CHIA: variants seen among roughly 807,000 people sequenced by gnomAD.
The protein encoded by CHIA is chitinase acidic, also known as acidic mammalian chitinase.
Under a neutral mutation model 53.5 loss-of-function variants are expected in CHIA, and 47 were observed. The ratio of observed to expected loss-of-function variants is 0.88; its 90% CI spans 0.70 to 1.12. The LOEUF (loss-of-function observed/expected upper bound fraction) is 1.12. Among genes scored for constraint, CHIA ranks in the 50% most tolerant of loss-of-function variants. The pLI is 0.00. For synonymous variants in CHIA, 268 were observed against 222.2 expected (o/e 1.21, Z -1.83); for missense variants, 652 against 592.2 (o/e 1.10, Z -1.05).
rs111552652 is a variant in CHIA at position 111,295,559 on chromosome 1, G to A, written c.-69+4609G>A. On this transcript the variant is annotated intron_variant, in intron 1 of 11. Transcript: ENST00000369740. The stretch of plus-strand genomic sequence containing the variant: ...AGATGGCCAAAGAGGAACAGCTCCC[G>A]TCTGCAGCTCCCAGTGTGATCAACG... Among the ~76,000 whole-genome samples the A allele has an allele frequency of 4.7e-3, 716 of 152,208 alleles. 6 individuals carry two copies. Among genetic ancestry groups the A allele is most frequent in the African/African-American group, 0.017 (698 of 41,534 alleles).
chr1:111,318,474 T>C lies in CHIA; in HGVS notation c.730-19T>C, dbSNP rs776118901. 1.9e-6 allele frequency: 3 copies of C among 1,606,220 alleles called. No individual in the cohort carries two copies. The South Asian group carries it at 3.3e-5, about 18-fold the overall frequency. On this transcript the variant is annotated intron_variant, in intron 8 of 11. Transcript: ENST00000369740. ...TCCTCAGCTGGTTGGGCCATGTAACTAACCCACTGACATTGCAGGATTATG... is the reference window on the plus strand; with the variant it reads ...TCCTCAGCTGGTTGGGCCATGTAACCAACCCACTGACATTGCAGGATTATG...
Position 111,312,211 on chromosome 1 carries a change from G to C in CHIA, c.77G>C (p.Cys26Ser), listed in dbSNP as rs757700023. The change falls in exon 4 of 12, where the codon TGC becomes TCC. Residue 26 changes from cysteine to serine, a missense_variant. Physicochemically the swap from Cys to Ser is moderately radical, Grantham distance 112. Transcript: ENST00000369740. The stretch of plus-strand genomic sequence containing the variant: ...ACAGGCTCTGCCTACCAGCTGACAT[G>C]CTACTTCACCAACTGGGCCCAGTAC... Reference protein sequence around the residue: ...LQLGSAYQLTCYFTNWAQYRP... With the variant: ...LQLGSAYQLTSYFTNWAQYRP... 6.8e-5 allele frequency: 109 copies of C among 1,613,966 alleles called. No individual in the cohort carries two copies. Among genetic ancestry groups the C allele is most frequent in the Non-Finnish European group, 9.0e-5 (106 of 1,179,978 alleles).
intron 1 of CHIA, among the ~76,000 whole-genome samples, chr1:111,303,042 CTATTT>C (rs1647888340): frequency 6.6e-6 from 1 of 151,946 alleles, no homozygotes; most frequent in Non-Finnish European, 1.5e-5. Flanking sequence ...AATTTATAAT[CTATTT>C]TGTCTGTTAC....
rs368843945 is a variant in CHIA at position 111,318,004 on chromosome 1, T to G, written c.624T>G (p.His208Gln). 5.0e-6 allele frequency: 8 copies of G among 1,614,024 alleles called. No homozygotes were observed. Among genetic ancestry groups the G allele is most frequent in the Non-Finnish European group, 6.8e-6 (8 of 1,180,018 alleles). ...PQLSQYLDYI[H>Q]VMTYDLHGSW... is the part of the protein sequence containing the mutation. ...ACCTCAGGTACCTGGACTACATCCATGTCATGACCTACGACCTCCATGGCT... is the reference window on the plus strand; with the variant it reads ...ACCTCAGGTACCTGGACTACATCCAGGTCATGACCTACGACCTCCATGGCT... Residue 208 changes from histidine to glutamine, a missense_variant, in exon 8 of 12, where the codon CAT (histidine) becomes CAG (glutamine). By Grantham distance (24) the His-to-Gln change is conservative (BLOSUM62 0). Transcript: ENST00000369740.
In CHIA at chr1:111,317,784, A is replaced by G; in HGVS notation, c.584A>G (p.Tyr195Cys). Residue 195 changes from tyrosine (Y) to cysteine (C), a missense_variant, in exon 7 of 12, where the codon TAT becomes TGT. Coordinates refer to ENST00000369740, the MANE Select transcript of CHIA (RefSeq NM_201653.4). ...AAGISNIQSG[Y>C]EIPQLSQYLD... Reference sequence around the variant, plus strand: ...GGCATCTCCAATATCCAGTCTGGCTATGAGATCCCCCAACTGTCACAGTGA... The same window carrying G: ...GGCATCTCCAATATCCAGTCTGGCTGTGAGATCCCCCAACTGTCACAGTGA... 1 of 1,613,590 alleles carries G rather than the reference A, an allele frequency of 6.2e-7. No homozygotes were observed.
chr1:111,300,385 T>G (rs1462397189), intron 1 of CHIA, among the ~76,000 whole-genome samples: 1 of 152,144 alleles, frequency 6.6e-6, no homozygotes, highest in Non-Finnish European at 1.5e-5. Flanking sequence ...AAAACAGATA[T>G]ATAGACCAAT....
intron 1 of CHIA, among the ~76,000 whole-genome samples, chr1:111,299,076 T>C (rs1042826103): frequency 6.6e-6 from 1 of 152,150 alleles, no homozygotes; most frequent in Non-Finnish European, 1.5e-5. Flanking sequence ...TAACAGGCTC[T>C]GAAGTTGAGG....
intron 1 of CHIA, among the ~76,000 whole-genome samples, chr1:111,297,675 C>G (rs1647285360): frequency 6.6e-6 from 1 of 151,972 alleles, no homozygotes; most frequent in Admixed American, 6.6e-5. Context: ...AATTAACGGA[C>G]AAAATAACCA....
chr1:111,293,037 T>C (rs1266746583), intron 1 of CHIA, among the ~76,000 whole-genome samples: 1 of 135,174 alleles, frequency 7.4e-6, no homozygotes, highest in Non-Finnish European at 1.6e-5. Context: ...GTAATGTTAC[T>C]GTGAACATGG....
At chr1:111,313,771 AG>A (rs1648902273) in intron 4 of CHIA, among the ~76,000 whole-genome samples, 1 of 152,060 alleles carries the variant, frequency 6.6e-6, no homozygotes, top group African/African-American at 2.4e-5. Flanking sequence ...TTACAATTTG[AG>A]GTCATAAATT....
chr1:111,291,835 G>T (rs957833032), intron 1 of CHIA, among the ~76,000 whole-genome samples: 1 of 150,570 alleles, frequency 6.6e-6, no homozygotes, highest in Non-Finnish European at 1.5e-5. Context: ...CCTGTCGGGG[G>T]GGGGTGGGGG....
intron 4 of CHIA, 43 bp downstream of exon 4, chr1:111,312,434 T>A: frequency 6.9e-7 from 1 of 1,457,768 alleles, no homozygotes; most frequent in Non-Finnish European, 9.6e-7. Flanking sequence ...CCTTTTTCAG[T>A]ACTTCCCAAA....
At chr1:111,316,036 G>A (rs2101647880) in intron 6 of CHIA, 2 of 313,788 alleles carry the variant, frequency 6.4e-6, no homozygotes, top group South Asian at 2.7e-5. Flanking sequence ...AAAGTAACAA[G>A]GAAAGAGGGT....
At position 111,318,467 on chromosome 1, in the gene CHIA, A is replaced by C. The variant is rs116682996; in HGVS notation, c.730-26A>C. 2,146 of 1,600,486 alleles carry C rather than the reference A, an allele frequency of 1.3e-3. 24 individuals are homozygous for C. The African/African-American group carries it at 0.022, about 17-fold the overall frequency. ...TACTGGGTCCTCAGCTGGTTGGGCCATGTAACTAACCCACTGACATTGCAG... is the reference window on the plus strand; with the variant it reads ...TACTGGGTCCTCAGCTGGTTGGGCCCTGTAACTAACCCACTGACATTGCAG... On this transcript the variant is annotated intron_variant, in intron 8 of 11. Coordinates refer to ENST00000369740, the MANE Select transcript of CHIA (RefSeq NM_201653.4).
At chr1:111,300,801 A>G (rs561506310) in intron 1 of CHIA, among the ~76,000 whole-genome samples, 1 of 152,332 alleles carries the variant, frequency 6.6e-6, no homozygotes, top group East Asian at 1.9e-4. Flanking sequence ...GGCAACCTAC[A>G]GAATGGGAGG....
At chr1:111,294,492 C>T (rs1661223858) in intron 1 of CHIA, among the ~76,000 whole-genome samples, 1 of 152,156 alleles carries the variant, frequency 6.6e-6, no homozygotes, top group African/African-American at 2.4e-5. Context: ...TATAAGACCA[C>T]ATCTGCAGGG....
In CHIA at chr1:111,303,083, T is replaced by C. The variant is rs1163768959; in HGVS notation, c.-68-7317T>C. ...TAATATAGCAACTCCTGCTCTCGTTTGGTTACTATTTGCATGGAATACCTG... is the reference window on the plus strand; with the variant it reads ...TAATATAGCAACTCCTGCTCTCGTTCGGTTACTATTTGCATGGAATACCTG... On this transcript the variant is annotated intron_variant, in intron 1 of 11. Coordinates refer to ENST00000369740, the MANE Select transcript of CHIA (RefSeq NM_201653.4). 3.3e-5 allele frequency among the ~76,000 whole-genome samples: 5 copies of C among 152,134 alleles called. No individual in the cohort carries two copies. In the East Asian group the frequency reaches 9.6e-4, roughly 29 times the overall value.
Position 111,317,848 on chromosome 1 carries a change from C to T in CHIA, c.605+43C>T, listed in dbSNP as rs755391673. ...TCTTCAAACTCCTGGAGGTGTCACT[C>T]GGGCACACTAGACTTGTCCTTGGTC... On this transcript the variant is annotated intron_variant, in intron 7 of 11. Transcript: ENST00000369740. 36 of 1,613,004 alleles carry T rather than the reference C, an allele frequency of 2.2e-5. No individual in the cohort carries two copies. In the East Asian group the frequency reaches 3.6e-4, roughly 16 times the overall value.
intron 4 of CHIA, 78 bp downstream of exon 4, chr1:111,312,469 T>C (rs1648769520): frequency 1.7e-6 from 2 of 1,200,742 alleles, no homozygotes; most frequent in Non-Finnish European, 2.5e-6. Flanking sequence ...AAAATGTAGT[T>C]CAGATCCATG....
Sources: allele counts gnomAD v4.1 joint callset (sites outside exome capture counted in the v4.1 genomes callset), GRCh38; gene constraint gnomAD v4.1.1; transcripts MANE v1.5; gene names NCBI Gene and HGNC (gene_info 2026-07-23, HGNC 2026-07-21).